The following ANAPC4 variants were observed in gnomAD, a reference collection of about 807,000 sequenced individuals.
ANAPC4 encodes the protein anaphase-promoting complex subunit 4.
In ANAPC4, 63 loss-of-function variants were observed where a neutral mutation model predicts 119.8. That is an observed-to-expected ratio of 0.53 (90% CI 0.43 to 0.65). The LOEUF is 0.65. Ranked by LOEUF, ANAPC4 falls within the 30% of genes least tolerant of loss-of-function variation. The pLI is 0.00. For synonymous variants in ANAPC4, 283 were observed against 318.6 expected (o/e 0.89, Z 1.19); for missense variants, 716 against 945.1 (o/e 0.76, Z 3.18).
rs1421266508 is a variant in ANAPC4, at chr4:25,406,875, A to G, written c.1364A>G (p.His455Arg). The G allele has an allele frequency of 6.2e-7, 1 of 1,601,904 alleles. No individual in the cohort carries two copies. The highest frequency in any genetic ancestry group is 2.2e-5 in the East Asian group (1 of 44,684). The change falls in exon 19 of 29, where the codon CAT becomes CGT. Residue 455 changes from histidine (H) to arginine (R), a missense_variant. Physicochemically the swap from His to Arg is conservative, Grantham distance 29. Coordinates refer to ENST00000315368, the MANE Select transcript of ANAPC4 (RefSeq NM_013367.3). ...ITFVAEFLTE[H>R]FNEAPDLYNR... ...TTTGTTGCTGAATTTCTTACTGAAC[A>G]TTTCAATGAGGTAAGAAGTTGATAT...
In ANAPC4 at chr4:25,399,936, G is replaced by A. The variant is rs558838134; in HGVS notation, c.1215-3035G>A. Among the ~76,000 whole-genome samples, 7 of 152,280 alleles carry A rather than the reference G, an allele frequency of 4.6e-5. No individual in the cohort carries two copies. In the East Asian group the frequency reaches 7.7e-4, roughly 17 times the overall value. ...GCGTCCTGCAGGCTGAGTGAAGAAG[G>A]CATTACAAGAAGGAATGAGGGATTG... On this transcript the variant is annotated intron_variant, in intron 16 of 28. Transcript: ENST00000315368.
rs553933854 is a variant in ANAPC4, at chr4:25,416,237, A to G, written c.1902-188A>G. 491 of 403,534 alleles carry G rather than the reference A, an allele frequency of 1.2e-3. 5 individuals are homozygous for G. The highest frequency in any genetic ancestry group is 8.1e-3 in the African/African-American group (396 of 49,026). The allele number at this position is 403,534 out of a possible 1,614,324, so 25.0% of individuals were successfully genotyped here. The stretch of plus-strand genomic sequence containing the variant: ...TTACCCATTTTTAAGATTTGGTTAT[A>G]TATGTGAATAATCAGTACAAAAAGT... On this transcript the variant is annotated intron_variant, in intron 26 of 28. Transcript: ENST00000315368.
At chr4:25,382,736 C>T (rs1318627787) in intron 3 of ANAPC4, among the ~76,000 whole-genome samples, 2 of 152,096 alleles carry the variant, frequency 1.3e-5, no homozygotes, top group Non-Finnish European at 2.9e-5. Context: ...TTAAATTGCA[C>T]GTTAGGAAGA....
rs1469359787 is a variant in ANAPC4 at position 25,396,888 on chromosome 4, T to G, written c.1203T>G (p.Asn401Lys). 2 of 1,612,370 alleles carry G rather than the reference T, an allele frequency of 1.2e-6. No individual in the cohort carries two copies. The highest frequency in any genetic ancestry group is 1.7e-6 in the Non-Finnish European group (2 of 1,179,440). ...TAVGSFILKA[N>K]ELLQVIDSSM... ...TGGGTTCTTTTATACTCAAGGCAAA[T>G]GAACTTCTTCAGTAAGTATTGGGAG... The change falls in exon 16 of 29, where the codon AAT becomes AAG. Residue 401 changes from asparagine (N) to lysine (K), a missense_variant. This residue lies in a region of ANAPC4 where 504 missense variants were observed against 615.8 expected (regional missense o/e 0.82). Transcript: ENST00000315368.
intron 10 of ANAPC4, among the ~76,000 whole-genome samples, chr4:25,393,161 A>G (rs182741326): frequency 2.2e-4 from 34 of 152,334 alleles, no homozygotes; most frequent in African/African-American, 6.5e-4. Context: ...AGAGATCAGT[A>G]TCTTTTTAAA....
intron 4 of ANAPC4, among the ~76,000 whole-genome samples, chr4:25,385,152 G>T (rs568824149): frequency 1.3e-5 from 2 of 152,156 alleles, no homozygotes; most frequent in Non-Finnish European, 2.9e-5. Context: ...AAAGTTACCA[G>T]CTATGTTAAC....
chr4:25,384,202 G>C (rs1404032565), intron 4 of ANAPC4, among the ~76,000 whole-genome samples: 6 of 152,124 alleles, frequency 3.9e-5, no homozygotes, highest in African/African-American at 1.4e-4. Flanking sequence ...CTCCTTATCC[G>C]TTCAAGTTTC....
At chr4:25,388,678 C>G in intron 5 of ANAPC4, 39 bp from the exon 6 acceptor site, 1 of 1,578,132 alleles carries the variant, frequency 6.3e-7, no homozygotes, top group Non-Finnish European at 8.7e-7. Context: ...TGTATTTTTA[C>G]TAAGAGTATT....
chr4:25,395,647 ACCGTGTTGG>A (rs1198966985), intron 14 of ANAPC4, among the ~76,000 whole-genome samples: 2 of 152,050 alleles, frequency 1.3e-5, no homozygotes, highest in African/African-American at 2.4e-5. Context: ...ACGGGGTTTC[ACCGTGTTGG>A]CCAGACTGGC....
chr4:25,390,851 A>G (rs1722309520), intron 8 of ANAPC4, 60 bp from the exon 9 acceptor site: 1 of 1,310,308 alleles, frequency 7.6e-7, no homozygotes. Flanking sequence ...TTTCTGCATG[A>G]TAATCAGCTT....
intron 9 of ANAPC4, among the ~76,000 whole-genome samples, chr4:25,391,972 A>G (rs573145052): frequency 6.6e-6 from 1 of 152,368 alleles, no homozygotes; most frequent in Non-Finnish European, 1.5e-5. Context: ...TTAAGATACA[A>G]TTCATATACC....
rs149361400 is a variant in ANAPC4, at chr4:25,401,370, C to T, written c.1215-1601C>T. On this transcript the variant is annotated intron_variant, in intron 16 of 28. Coordinates refer to ENST00000315368, the MANE Select transcript of ANAPC4 (RefSeq NM_013367.3). ...TGGTGCCCACGTGAAAGTGCCTTAG[C>T]TCTTCCCACTTTACTCAGTTTCTCT... is the stretch of plus-strand genomic sequence containing the variant. Among the ~76,000 whole-genome samples, 515 of 152,312 alleles carry T rather than the reference C, an allele frequency of 3.4e-3. 2 individuals are homozygous for T. The highest frequency in any genetic ancestry group is 8.3e-3 in the South Asian group (40 of 4,830).
intron 20 of ANAPC4, among the ~76,000 whole-genome samples, chr4:25,408,286 G>A (rs987979048): frequency 7.9e-5 from 12 of 152,142 alleles, no homozygotes; most frequent in Admixed American, 2.0e-4. Flanking sequence ...ATCAGTGAAC[G>A]TTTTTTACAT....
intron 3 of ANAPC4, among the ~76,000 whole-genome samples, chr4:25,381,203 G>A (rs751128548): frequency 3.9e-5 from 6 of 152,120 alleles, no homozygotes; most frequent in African/African-American, 1.2e-4. Flanking sequence ...TAATTTTTCT[G>A]TAGATAAATA....
chr4:25,381,822 C>A (rs1051706831), intron 3 of ANAPC4, among the ~76,000 whole-genome samples: 1 of 152,024 alleles, frequency 6.6e-6, no homozygotes, highest in African/African-American at 2.4e-5. Flanking sequence ...GTGGTGGGCA[C>A]CTGTAATCCC....
Position 25,394,684 on chromosome 4 carries a change from ACT to A in ANAPC4, c.960_961del (p.Leu321AspfsTer44). On this transcript the variant is annotated frameshift_variant, in exon 13 of 29. Transcript: ENST00000315368. LOFTEE classifies it high-confidence loss of function. Reference sequence around the variant, plus strand: ...TTTTCATTGTAGTGCTGAACTTCAGACTCTCTTGATGAATCAGTTAACAGTAA... The same window carrying A: ...TTTTCATTGTAGTGCTGAACTTCAGACTCTTGATGAATCAGTTAACAGTAA... Reference protein sequence around the residue: ...LWGKASAELQTLLMNQLTVKG... With the variant: ...LWGKASAELQXLLMNQLTVKG... 1.3e-6 allele frequency: 2 copies of A among 1,599,674 alleles called. No homozygotes were observed. Among genetic ancestry groups the A allele is most frequent in the Non-Finnish European group, 1.7e-6 (2 of 1,175,828 alleles).
chr4:25,381,642 A>T (rs1299868464), intron 3 of ANAPC4, among the ~76,000 whole-genome samples: 2 of 152,186 alleles, frequency 1.3e-5, no homozygotes, highest in African/African-American at 4.8e-5. Flanking sequence ...CTACATAAAT[A>T]TAAAAAAGTA....
intron 16 of ANAPC4, among the ~76,000 whole-genome samples, chr4:25,401,334 C>T (rs1378564691): frequency 6.6e-6 from 1 of 152,158 alleles, no homozygotes; most frequent in East Asian, 1.9e-4. Flanking sequence ...TGGAGCTTTG[C>T]TTCAGGATAC....
Position 25,409,737 on chromosome 4 carries a change from A to T in ANAPC4, c.1471A>T (p.Asn491Tyr), listed in dbSNP as rs752606525. 6 of 1,613,188 alleles carry T rather than the reference A, an allele frequency of 3.7e-6. No individual in the cohort carries two copies. The highest frequency in any genetic ancestry group is 5.1e-6 in the Non-Finnish European group (6 of 1,179,472). The change falls in exon 21 of 29, where the codon AAC becomes TAC. Residue 491 changes from asparagine (N) to tyrosine (Y), a missense_variant. This residue lies in a region of ANAPC4 where 504 missense variants were observed against 615.8 expected (regional missense o/e 0.82). Coordinates refer to ENST00000315368, the MANE Select transcript of ANAPC4 (RefSeq NM_013367.3). ...AGATGATGATCTTGTGTCACCCCCTAACACAGAAGGAAACCAGTGGTATGA... is the reference window on the plus strand; with the variant it reads ...AGATGATGATCTTGTGTCACCCCCTTACACAGAAGGAAACCAGTGGTATGA... ...DEDDDLVSPP[N>Y]TEGNQWYDFL...
Sources: allele counts gnomAD v4.1 joint callset (sites outside exome capture counted in the v4.1 genomes callset), GRCh38; gene constraint gnomAD v4.1.1; regional missense constraint gnomAD v4.1.1; transcripts MANE v1.5; gene names NCBI Gene and HGNC (gene_info 2026-07-23, HGNC 2026-07-21).